Variants in WDR70 observed in about 807,000 individuals in gnomAD.
WDR70 encodes WD repeat domain 70.
A neutral mutation model predicts 88.6 loss-of-function variants in WDR70; 53 were observed. The observed-to-expected ratio is 0.60, with a 90% CI of 0.48 to 0.75. The LOEUF is 0.75. WDR70 is among the 30% of genes least tolerant of loss of function. The probability of loss-of-function intolerance (pLI) is 0.00; values close to 1 mark genes in which losing one functional copy is unlikely to be tolerated. For missense variants in WDR70, 610 were observed against 823.2 expected (o/e 0.74, Z 3.17); for synonymous variants, 280 against 270.0 (o/e 1.04, Z -0.36).
intron 7 of WDR70, among the ~76,000 whole-genome samples, chr5:37,478,915 A>G (rs1186706470): frequency 1.3e-5 from 2 of 152,186 alleles, no homozygotes; most frequent in African/African-American, 2.4e-5. Context: ...CAAGATCAAG[A>G]TCAGTTTTAG....
chr5:37,575,357 A>G (rs1160130973), intron 9 of WDR70, among the ~76,000 whole-genome samples: 3 of 152,112 alleles, frequency 2.0e-5, no homozygotes, highest in African/African-American at 7.2e-5. Context: ...TTTCTGGGTG[A>G]TAGAAGCATG....
intron 10 of WDR70, among the ~76,000 whole-genome samples, chr5:37,689,593 C>G (rs1252470319): frequency 2.0e-5 from 3 of 152,166 alleles, no homozygotes; most frequent in Non-Finnish European, 4.4e-5. Context: ...CTCCAGCAAA[C>G]TCCAACAGAC....
rs376413075 is a variant in WDR70 at position 37,674,682 on chromosome 5, G to A, written c.1093-22973G>A. 6.9e-4 allele frequency among the ~76,000 whole-genome samples: 105 copies of A among 152,054 alleles called. 1 individual carries two copies. Among genetic ancestry groups the A allele is most frequent in the African/African-American group, 2.4e-3 (98 of 41,410 alleles). ...AGTCTTTGCTATTGTGAATAGTCCC[G>A]CAATAAACATACGTGTGCATGTGTC... is the stretch of plus-strand genomic sequence containing the variant. On this transcript the variant is annotated intron_variant, in intron 10 of 17. Coordinates refer to ENST00000265107, the MANE Select transcript of WDR70 (RefSeq NM_018034.4).
intron 2 of WDR70, 149 bp downstream of exon 2, chr5:37,379,703 T>C: frequency 1.1e-6 from 1 of 872,134 alleles, no homozygotes; most frequent in Non-Finnish European, 1.8e-6. Flanking sequence ...CCCATTTGTC[T>C]TCTATTCTGC....
chr5:37,611,278 A>AT (rs932359140), intron 10 of WDR70, among the ~76,000 whole-genome samples: 133 of 148,554 alleles, frequency 9.0e-4, no homozygotes, highest in Non-Finnish European at 1.4e-3. Flanking sequence ...TTCTGTAGTG[A>AT]TTTTTTTTTT....
intron 10 of WDR70, among the ~76,000 whole-genome samples, chr5:37,615,493 TG>T (rs33910010): frequency 0.019 from 2,937 of 152,268 alleles, 87 homozygotes; most frequent in African/African-American, 0.066. Flanking sequence ...GCTGCTCAAA[TG>T]TAAGACCAGG....
intron 7 of WDR70, among the ~76,000 whole-genome samples, chr5:37,467,863 C>T (rs965976490): frequency 3.9e-5 from 6 of 151,936 alleles, no homozygotes; most frequent in Non-Finnish European, 5.9e-5. Flanking sequence ...TACAGGCGCC[C>T]GCCACCGCGC....
intron 4 of WDR70, among the ~76,000 whole-genome samples, chr5:37,395,772 C>T (rs904546910): frequency 6.6e-6 from 1 of 151,890 alleles, no homozygotes; most frequent in African/African-American, 2.4e-5. Context: ...TCCTTGTTCA[C>T]CTCTTTTTAA....
chr5:37,502,791 T>C (rs1204167594), intron 8 of WDR70, among the ~76,000 whole-genome samples: 5 of 152,130 alleles, frequency 3.3e-5, no homozygotes, highest in Non-Finnish European at 7.3e-5. Context: ...ATACTTCACA[T>C]GGTGGAAGCA....
chr5:37,381,917 G>A (rs1748437353), intron 3 of WDR70: 2 of 353,736 alleles, frequency 5.7e-6, no homozygotes, highest in East Asian at 6.9e-5. Context: ...AGCTGGGCAT[G>A]GTGCAGGGGC....
rs966847699 is a variant in WDR70, at chr5:37,399,193, G to A, written c.492+2623G>A. 5.9e-5 allele frequency among the ~76,000 whole-genome samples: 9 copies of A among 152,190 alleles called. No individual in the cohort carries two copies. In the South Asian group the frequency reaches 6.2e-4, roughly 10 times the overall value. ...CTCGGGAGGCTGAGGCAGGAGAATGGCGTGAACCTGGGAGGCAGAGCTTGC... is the reference window on the plus strand; with the variant it reads ...CTCGGGAGGCTGAGGCAGGAGAATGACGTGAACCTGGGAGGCAGAGCTTGC... On this transcript the variant is annotated intron_variant, in intron 5 of 17. Coordinates refer to ENST00000265107, the MANE Select transcript of WDR70 (RefSeq NM_018034.4).
rs76656327 is a variant in WDR70, at chr5:37,499,086, A to G, written c.841-17428A>G. ...TTTAATTTGCATTCCCCCATGATGA[A>G]TGATGTTGAGCATCTTTTCATGTTT... On this transcript the variant is annotated intron_variant, in intron 8 of 17. Coordinates refer to ENST00000265107, the MANE Select transcript of WDR70 (RefSeq NM_018034.4). Among the ~76,000 whole-genome samples the G allele has an allele frequency of 4.9e-3, 743 of 150,946 alleles. 45 individuals are homozygous for G. In the East Asian group the frequency reaches 0.13, roughly 26 times the overall value.
At chr5:37,530,766 A>G (rs1290974148) in intron 9 of WDR70, among the ~76,000 whole-genome samples, 2 of 126,204 alleles carry the variant, frequency 1.6e-5, no homozygotes, top group East Asian at 2.2e-4. Flanking sequence ...TGTTTCATTT[A>G]TCTTTTGTTT....
chr5:37,485,069 C>A (rs1381161308), intron 8 of WDR70, among the ~76,000 whole-genome samples: 1 of 152,090 alleles, frequency 6.6e-6, no homozygotes, highest in Non-Finnish European at 1.5e-5. Context: ...ACAATAATGT[C>A]GTCTGCCACA....
intron 7 of WDR70, among the ~76,000 whole-genome samples, chr5:37,446,839 A>G (rs7379042): frequency 0.86 from 130,469 of 152,114 alleles, 59,427 homozygotes; most frequent in East Asian, 1. Flanking sequence ...TAAAAACCCT[A>G]GAAGAAAACC....
At position 37,685,839 on chromosome 5, in the gene WDR70, C is replaced by T. The variant is rs564967120; in HGVS notation, c.1093-11816C>T. ...CCTTGCTATTTCACTTCACCTGCTC[C>T]CCAGGAGTCACTGGGGGCCAGAAAT... On this transcript the variant is annotated intron_variant, in intron 10 of 17. Coordinates refer to ENST00000265107, the MANE Select transcript of WDR70 (RefSeq NM_018034.4). Among the ~76,000 whole-genome samples, 3 of 152,258 alleles carry T rather than the reference C, an allele frequency of 2.0e-5. No homozygotes were observed. The East Asian group carries it at 5.8e-4, about 29-fold the overall frequency.
At chr5:37,422,801 A>AT (rs1338616129) in intron 5 of WDR70, among the ~76,000 whole-genome samples, 2 of 151,538 alleles carry the variant, frequency 1.3e-5, no homozygotes, top group South Asian at 4.2e-4. Flanking sequence ...TTTTTTTTGT[A>AT]TTTTTTGTAG....
intron 10 of WDR70, among the ~76,000 whole-genome samples, chr5:37,645,317 G>C (rs1475182528): frequency 1.3e-5 from 2 of 151,470 alleles, no homozygotes; most frequent in African/African-American, 4.9e-5. Context: ...CCTTGTTGTT[G>C]ATTTCTAGGT....
intron 10 of WDR70, among the ~76,000 whole-genome samples, chr5:37,628,379 A>G (rs1047512746): frequency 4.6e-5 from 7 of 152,202 alleles, no homozygotes; most frequent in African/African-American, 1.7e-4. Context: ...TGTTTGCTTT[A>G]TATATCTGGG....
Sources: allele counts gnomAD v4.1 joint callset (sites outside exome capture counted in the v4.1 genomes callset), GRCh38; gene constraint gnomAD v4.1.1; transcripts MANE v1.5; gene names NCBI Gene and HGNC (gene_info 2026-07-23, HGNC 2026-07-21).